ZFP28: variants seen among roughly 807,000 people sequenced by gnomAD.
ZFP28 encodes the protein zinc finger protein 28 homolog.
ZFP28 carries 31 observed loss-of-function variants against 39.5 expected under a neutral mutation model. That is an observed-to-expected ratio of 0.79 (90% CI 0.59 to 1.06). The LOEUF (loss-of-function observed/expected upper bound fraction) is 1.06. ZFP28 is among the 50% of genes least tolerant of loss of function. The pLI, the probability that ZFP28 is intolerant of heterozygous loss-of-function variation, is 0.00. For synonymous variants in ZFP28, 400 were observed against 378.6 expected, an observed-to-expected ratio of 1.06 and a Z score of -0.66; for missense variants, 925 against 1,048.4, an observed-to-expected ratio of 0.88 and a Z score of 1.63.
Position 56,550,491 on chromosome 19 carries a change from T to C in ZFP28, c.803-19T>C. On this transcript the variant is annotated intron_variant, in intron 6 of 7. Coordinates refer to ENST00000301318, the MANE Select transcript of ZFP28 (RefSeq NM_020828.2). ...TGCCAAGACTATTGGCCAAACCTCA[T>C]CTCTTTTCACTTTTTCAGGACATTG... 6.2e-7 allele frequency: 1 copy of C among 1,609,814 alleles called. No homozygotes were observed. Among genetic ancestry groups the C allele is most frequent in the Non-Finnish European group, 8.5e-7 (1 of 1,177,238 alleles).
rs750835177 is a variant in ZFP28 at position 56,547,838 on chromosome 19, C to G, written c.459C>G (p.Ser153=). 4 of 1,614,108 alleles carry G rather than the reference C, an allele frequency of 2.5e-6. No homozygotes were observed. The South Asian group carries it at 3.3e-5, about 13-fold the overall frequency. The change falls in exon 4 of 8, where the codon TCC becomes TCG. Residue 153 remains serine (S), a synonymous_variant. Coordinates refer to ENST00000301318, the MANE Select transcript of ZFP28 (RefSeq NM_020828.2). The surrounding 1 kb of genome is among the most constrained non-coding windows in gnomAD (Gnocchi z 4.6). ...GTGTTTCTAAGCCCGATGTGATCTCCTCGTTGGAACAAGGAAAAGAGCCTT... is the reference window on the plus strand; with the variant it reads ...GTGTTTCTAAGCCCGATGTGATCTCGTCGTTGGAACAAGGAAAAGAGCCTT... The part of the protein sequence containing the change: ...GLCVSKPDVI[S]SLEQGKEPWT...
intron 1 of ZFP28, 30 bp from the exon 2 acceptor site, chr19:56,539,595 C>T: frequency 6.3e-6 from 10 of 1,591,058 alleles, no homozygotes; most frequent in Non-Finnish European, 8.6e-6. Flanking sequence ...TGGTGTAGAC[C>T]TGGTCTCTAG....
At chr19:56,553,159 A>G (rs1046264137) in intron 7 of ZFP28, 1 of 152,226 alleles carries the variant, frequency 6.6e-6, no homozygotes, top group Admixed American at 6.5e-5. Flanking sequence ...GCTTCATTAT[A>G]GAATGGCCAG....
At chr19:56,550,417 C>G in intron 6 of ZFP28, 93 bp from the exon 7 acceptor site, 1 of 1,141,936 alleles carries the variant, frequency 8.8e-7, no homozygotes, top group Non-Finnish European at 1.3e-6. Context: ...CTGTTTCTTT[C>G]AGCAGTAACA....
chr19:56,550,473 A>G, intron 6 of ZFP28, 37 bp from the exon 7 acceptor site: 2 of 1,569,978 alleles, frequency 1.3e-6, no homozygotes, highest in Non-Finnish European at 8.7e-7. Context: ...GGATGCCAAG[A>G]CTATTGGCCA....
chr19:56,554,334 C>G lies in ZFP28; in HGVS notation c.1549C>G (p.His517Asp). 6.2e-7 allele frequency: 1 copy of G among 1,613,900 alleles called. No individual in the cohort carries two copies. ...CGATTGTGGGAAAGCCTTCAGTGAC[C>G]ACATAGGGCTTAATCAACACAGGAG... ...CIDCGKAFSD[H>D]IGLNQHRRIH... Residue 517 changes from histidine to aspartate, a missense_variant, in exon 8 of 8, where the codon CAC becomes GAC. Coordinates refer to ENST00000301318, the MANE Select transcript of ZFP28 (RefSeq NM_020828.2). This position sits in a 1 kb window ranked among gnomAD's most constrained non-coding sequence, Gnocchi z 6.7.
At chr19:56,542,131 C>T (rs1440928308) in intron 2 of ZFP28, among the ~76,000 whole-genome samples, 1 of 151,958 alleles carries the variant, frequency 6.6e-6, no homozygotes, top group Non-Finnish European at 1.5e-5. Flanking sequence ...AGTCAGCCCT[C>T]AGTGGACACA....
At position 56,547,528 on chromosome 19, in the gene ZFP28, T is replaced by C. The variant is rs2044252835; in HGVS notation, c.321T>C (p.Asp107=). ...TTCAGGGCTTGGTGACATTTGGGGA[T>C]GTGGCTGTAGATTTCTCCCAAGAGG... The part of the protein sequence containing the change: ...AMSQGLVTFG[D]VAVDFSQEEW... The change falls in exon 3 of 8, where the codon GAT becomes GAC. Residue 107 remains aspartate, a synonymous_variant. Transcript: ENST00000301318. This position sits in a 1 kb window ranked among gnomAD's most constrained non-coding sequence, Gnocchi z 4.6. The C allele has an allele frequency of 6.2e-7, 1 of 1,614,038 alleles. No homozygotes were observed. The highest frequency in any genetic ancestry group is 1.3e-5 in the African/African-American group (1 of 74,918).
Position 56,555,480 on chromosome 19 carries a change from T to G in ZFP28, c.*88T>G. Reference sequence around the variant, plus strand: ...TGTTTTCTTTTTGTCCCTTATTAGTTAGTTCTTCACATAAGTGTAAATGTA... The same window carrying G: ...TGTTTTCTTTTTGTCCCTTATTAGTGAGTTCTTCACATAAGTGTAAATGTA... On this transcript the variant is annotated 3_prime_UTR_variant, in exon 8 of 8. Coordinates refer to ENST00000301318, the MANE Select transcript of ZFP28 (RefSeq NM_020828.2). 3 of 1,458,160 alleles carry G rather than the reference T, an allele frequency of 2.1e-6. No individual in the cohort carries two copies. The highest frequency in any genetic ancestry group is 2.8e-6 in the Non-Finnish European group (3 of 1,086,294). 90.3% of individuals were successfully genotyped at this position (1,458,160 alleles called of 1,614,324 possible). A position where few individuals can be genotyped will look rare whatever the true frequency, so the allele number is the denominator to read the frequency against.
intron 7 of ZFP28, chr19:56,551,906 A>G (rs2044307743): frequency 1.0e-6 from 1 of 983,274 alleles, no homozygotes; most frequent in Admixed American, 6.2e-5. Flanking sequence ...TATTGTCTCA[A>G]ACTATTTTCA....
intron 6 of ZFP28, 162 bp from the exon 7 acceptor site, chr19:56,550,348 C>T: frequency 1.1e-6 from 1 of 885,032 alleles, no homozygotes; most frequent in Non-Finnish European, 1.7e-6. Context: ...AAGTTGGTGT[C>T]TTTGTTAGGC....
intron 5 of ZFP28, among the ~76,000 whole-genome samples, chr19:56,549,766 T>C (rs2044278659): frequency 6.6e-6 from 1 of 152,158 alleles, no homozygotes; most frequent in Admixed American, 6.5e-5. Context: ...TGTTGAATAA[T>C]TTGTATGAAT....
At chr19:56,552,322 A>G (rs1224064178) in intron 7 of ZFP28, 5 of 152,256 alleles carry the variant, frequency 3.3e-5, no homozygotes, top group Admixed American at 2.0e-4. Context: ...TAAAGAATAT[A>G]TGAGAATACT....
intron 2 of ZFP28, among the ~76,000 whole-genome samples, chr19:56,540,586 A>C (rs2044187320): frequency 6.6e-6 from 1 of 152,218 alleles, no homozygotes; most frequent in Non-Finnish European, 1.5e-5. Context: ...CTCAATTCTT[A>C]GTCTTTTTTG....
intron 7 of ZFP28, chr19:56,551,263 A>G (rs868425580): frequency 4.1e-6 from 4 of 986,744 alleles, no homozygotes; most frequent in African/African-American, 1.7e-5. Flanking sequence ...CACAAGGGAA[A>G]GAAAGGAAAT....
At chr19:56,544,160 G>A (rs147849292) in intron 2 of ZFP28, among the ~76,000 whole-genome samples, 11 of 152,302 alleles carry the variant, frequency 7.2e-5, no homozygotes, top group African/African-American at 2.2e-4. Flanking sequence ...TCATCATGAC[G>A]GTTTTAGAAA....
At position 56,549,088 on chromosome 19, in the gene ZFP28, C is replaced by T; in HGVS notation, c.654C>T (p.His218=). 2 of 1,612,838 alleles carry T rather than the reference C, an allele frequency of 1.2e-6. No individual in the cohort carries two copies. The highest frequency in any genetic ancestry group is 1.7e-6 in the Non-Finnish European group (2 of 1,179,546). Reference sequence around the variant, plus strand: ...TGGAGTACTCTCTGTTAGGGGAACACTGGGATTATGATGCTCTGTTTGAGA... The same window carrying T: ...TGGAGTACTCTCTGTTAGGGGAACATTGGGATTATGATGCTCTGTTTGAGA... ...YNLEYSLLGE[H]WDYDALFETQ... The change falls in exon 5 of 8, where the codon CAC becomes CAT. Residue 218 remains histidine, a synonymous_variant. Transcript: ENST00000301318.
intron 5 of ZFP28, 141 bp downstream of exon 5, chr19:56,549,262 C>T: frequency 1.0e-6 from 1 of 979,992 alleles, no homozygotes; most frequent in South Asian, 2.2e-5. Context: ...ATTATCCCCT[C>T]AGAACAGAGA....
rs113415954 is a variant in ZFP28 at position 56,556,368 on chromosome 19, G to C, written c.*976G>C. ...GTGACAGGAGACCATGTGGCCTGCA[G>C]AGCCCAAATATCTACTGTCTGATCC... is the stretch of plus-strand genomic sequence containing the variant. On this transcript the variant is annotated 3_prime_UTR_variant, in exon 8 of 8. Coordinates refer to ENST00000301318, the MANE Select transcript of ZFP28 (RefSeq NM_020828.2). 2 of 152,214 alleles carry C rather than the reference G, an allele frequency of 1.3e-5. No individual in the cohort carries two copies. The highest frequency in any genetic ancestry group is 1.5e-5 in the Non-Finnish European group (1 of 68,052). 9.4% of individuals were successfully genotyped at this position (152,214 alleles called of 1,614,324 possible).
Sources: gnomAD v4.1 joint callset for allele counts (sites outside exome capture counted in the v4.1 genomes callset) on GRCh38, gnomAD v4.1.1 for gene constraint, Gnocchi (gnomAD v3.1) non-coding constraint, MANE v1.5 for transcripts, NCBI Gene and HGNC (gene_info 2026-07-23, HGNC 2026-07-21) for gene names.